Variants in DPYD observed in about 807,000 individuals in gnomAD.
The protein encoded by DPYD is dihydropyrimidine dehydrogenase, also known as dihydropyrimidine dehydrogenase [NADP(+)].
A neutral mutation model predicts 116.2 loss-of-function variants in DPYD; 109 were observed. The ratio of observed to expected loss-of-function variants is 0.94; its 90% CI spans 0.80 to 1.10. DPYD has a LOEUF of 1.10. Ranked by LOEUF, DPYD falls within the 50% of genes least tolerant of loss-of-function variation. The pLI is 0.00. For missense variants in DPYD, 1,302 were observed against 1,254.5 expected (o/e 1.04, Z -0.57); for synonymous variants, 440 against 432.0 (o/e 1.02, Z -0.23).
At chr1:97,287,682 A>G (rs1005189165) in intron 18 of DPYD, among the ~76,000 whole-genome samples, 1 of 151,964 alleles carries the variant, frequency 6.6e-6, no homozygotes, top group Non-Finnish European at 1.5e-5. Flanking sequence ...TTGATCTCAG[A>G]CTGCTGTGCT....
chr1:97,565,970 C>G (rs1030257368), intron 11 of DPYD, among the ~76,000 whole-genome samples: 1 of 152,128 alleles, frequency 6.6e-6, no homozygotes, highest in Non-Finnish European at 1.5e-5. Context: ...ATATTTTTTA[C>G]AGCTTTTTAA....
chr1:97,812,835 C>T (rs1431766314), intron 3 of DPYD, among the ~76,000 whole-genome samples: 2 of 152,122 alleles, frequency 1.3e-5, no homozygotes, highest in South Asian at 2.1e-4. Context: ...TCAAGAAACC[C>T]TTCTGCAATA....
At chr1:97,435,065 C>G (rs932865581) in intron 14 of DPYD, among the ~76,000 whole-genome samples, 1 of 151,918 alleles carries the variant, frequency 6.6e-6, no homozygotes, top group Non-Finnish European at 1.5e-5. Context: ...CTTCTACTTT[C>G]CTTAAGAATC....
At chr1:97,168,378 C>G (rs912211175) in intron 20 of DPYD, among the ~76,000 whole-genome samples, 1 of 152,168 alleles carries the variant, frequency 6.6e-6, no homozygotes, top group African/African-American at 2.4e-5. Context: ...CAAATCTCAG[C>G]TGAGCCACTT....
intron 18 of DPYD, among the ~76,000 whole-genome samples, chr1:97,294,734 C>T (rs934224542): frequency 1.3e-5 from 2 of 152,144 alleles, no homozygotes; most frequent in African/African-American, 4.8e-5. Flanking sequence ...TTGATGGCAG[C>T]TACATTTCTA....
In DPYD at chr1:97,921,032, A is replaced by G. The variant is rs534300645; in HGVS notation, c.-110T>C. 6 of 1,387,734 alleles carry G rather than the reference A, an allele frequency of 4.3e-6. No individual in the cohort carries two copies. In the South Asian group the frequency reaches 6.3e-5, roughly 15 times the overall value. 86.0% of individuals were successfully genotyped at this position (1,387,734 alleles called of 1,614,324 possible). On this transcript the variant is annotated 5_prime_UTR_variant, in exon 1 of 23. Coordinates refer to ENST00000370192, the MANE Select transcript of DPYD (RefSeq NM_000110.4). ...CGGAGCGCGAGTCGAAAACAGGCAG[A>G]CTAGGGCCGGCGGCGCGGGGGCGGA... is the stretch of plus-strand genomic sequence containing the variant.
At chr1:97,316,284 G>A (rs967125742) in intron 16 of DPYD, among the ~76,000 whole-genome samples, 10 of 150,928 alleles carry the variant, frequency 6.6e-5, no homozygotes, top group African/African-American at 1.5e-4. Flanking sequence ...GAGGTCAGGC[G>A]TTCAAGACCA....
chr1:97,528,508 C>G (rs1330377967), intron 12 of DPYD, among the ~76,000 whole-genome samples: 7 of 151,946 alleles, frequency 4.6e-5, no homozygotes, highest in African/African-American at 1.7e-4. Flanking sequence ...AATCCATGTC[C>G]CATCTTTCTC....
intron 15 of DPYD, among the ~76,000 whole-genome samples, chr1:97,375,636 G>T (rs934714916): frequency 6.6e-6 from 1 of 152,088 alleles, no homozygotes; most frequent in African/African-American, 2.4e-5. Flanking sequence ...CTAATCTTAC[G>T]CCTGTAGCTA....
chr1:97,829,346 G>C (rs1196014496), intron 2 of DPYD, among the ~76,000 whole-genome samples: 1 of 151,818 alleles, frequency 6.6e-6, no homozygotes, highest in African/African-American at 2.4e-5. Flanking sequence ...GTCAAATTAA[G>C]GCAAAGATCC....
intron 8 of DPYD, among the ~76,000 whole-genome samples, chr1:97,671,946 ATT>A (rs202099045): frequency 3.1e-4 from 40 of 127,848 alleles, no homozygotes; most frequent in Non-Finnish European, 4.2e-4. Flanking sequence ...TTTATCTATT[ATT>A]TTTTTTTTTT....
chr1:97,768,244 C>T (rs1665968295), intron 3 of DPYD, among the ~76,000 whole-genome samples: 1 of 151,960 alleles, frequency 6.6e-6, no homozygotes, highest in Non-Finnish European at 1.5e-5. Flanking sequence ...CTGAAAGTTG[C>T]TGTATGTCTG....
intron 13 of DPYD, among the ~76,000 whole-genome samples, chr1:97,471,535 C>G (rs1048655678): frequency 1.3e-5 from 2 of 150,318 alleles, no homozygotes; most frequent in African/African-American, 4.9e-5. Context: ...TCAATATAGT[C>G]AAGACAGAAA....
intron 18 of DPYD, among the ~76,000 whole-genome samples, chr1:97,245,155 C>G (rs1662629705): frequency 1.3e-5 from 2 of 152,074 alleles, no homozygotes; most frequent in African/African-American, 4.8e-5. Context: ...CATTACAAGT[C>G]ACATATACAT....
chr1:97,583,380 A>G (rs1036454709), intron 10 of DPYD, among the ~76,000 whole-genome samples: 6 of 152,288 alleles, frequency 3.9e-5, no homozygotes, highest in African/African-American at 1.4e-4. Flanking sequence ...GGTTAGTTAC[A>G]TATGATGACG....
intron 11 of DPYD, among the ~76,000 whole-genome samples, chr1:97,561,070 T>G (rs1414427410): frequency 7.9e-5 from 12 of 152,150 alleles, no homozygotes; most frequent in Non-Finnish European, 1.6e-4. Context: ...TGTTAGAAAC[T>G]GTAGTAAGAA....
chr1:97,711,903 T>C (rs1367308958), intron 5 of DPYD, among the ~76,000 whole-genome samples: 1 of 152,044 alleles, frequency 6.6e-6, no homozygotes, highest in African/African-American at 2.4e-5. Flanking sequence ...ACATTGTTTC[T>C]TTTATCTTTC....
intron 19 of DPYD, among the ~76,000 whole-genome samples, chr1:97,233,741 G>A (rs1210346670): frequency 6.6e-6 from 1 of 152,126 alleles, no homozygotes; most frequent in African/African-American, 2.4e-5. Flanking sequence ...ACTCACCACT[G>A]TGTTGTTTCT....
intron 18 of DPYD, among the ~76,000 whole-genome samples, chr1:97,255,506 C>T (rs10875060): frequency 0.23 from 34,948 of 151,834 alleles, 4,309 homozygotes; most frequent in South Asian, 0.5. Context: ...TGCACAAGTT[C>T]TCTCTCTTTG....
Sources: allele counts gnomAD v4.1 joint callset (sites outside exome capture counted in the v4.1 genomes callset), GRCh38; gene constraint gnomAD v4.1.1; transcripts MANE v1.5; gene names NCBI Gene and HGNC (gene_info 2026-07-23, HGNC 2026-07-21).